The following MKLN1 variants were observed in gnomAD, a reference collection of about 807,000 sequenced individuals.
The protein encoded by MKLN1 is muskelin.
Under a neutral mutation model 99.0 loss-of-function variants are expected in MKLN1, and 18 were observed. That is an observed-to-expected ratio of 0.18 (90% CI 0.13 to 0.27). The LOEUF (loss-of-function observed/expected upper bound fraction) is 0.27, where lower values mean the gene tolerates loss of function less well. Among genes scored for constraint, MKLN1 ranks in the 10% least tolerant of loss-of-function variants. The probability of loss-of-function intolerance (pLI) is 1.00; values close to 1 mark genes in which losing one functional copy is unlikely to be tolerated. For missense variants in MKLN1, 621 were observed against 875.9 expected, an observed-to-expected ratio of 0.71 and a Z score of 3.67; for synonymous variants, 288 against 293.2, an observed-to-expected ratio of 0.98 and a Z score of 0.18.
At chr7:131,249,493 A>T (rs1584867102) in intron 3 of MKLN1, among the ~76,000 whole-genome samples, 1 of 152,192 alleles carries the variant, frequency 6.6e-6, no homozygotes, top group East Asian at 1.9e-4. Flanking sequence ...TCTTTCACTT[A>T]TACAACAGAC....
intron 3 of MKLN1, among the ~76,000 whole-genome samples, chr7:131,216,631 G>A (rs941429100): frequency 6.6e-6 from 1 of 152,018 alleles, no homozygotes; most frequent in African/African-American, 2.4e-5. Flanking sequence ...TACTACTGCC[G>A]ACACTTCATG....
At chr7:131,124,714 G>T (rs1326568514) in intron 1 of MKLN1, among the ~76,000 whole-genome samples, 1 of 152,080 alleles carries the variant, frequency 6.6e-6, no homozygotes, top group Non-Finnish European at 1.5e-5. Flanking sequence ...TCTCCCTTTG[G>T]ATGTGGGTCC....
intron 3 of MKLN1, among the ~76,000 whole-genome samples, chr7:131,320,789 CAGA>C (rs1395539181): frequency 6.6e-6 from 1 of 152,050 alleles, no homozygotes; most frequent in African/African-American, 2.4e-5. Context: ...CAGACACTTC[CAGA>C]AGAAGAGATT....
intron 1 of MKLN1, among the ~76,000 whole-genome samples, chr7:131,131,829 A>T (rs1405199947): frequency 1.3e-5 from 2 of 152,214 alleles, no homozygotes; most frequent in Non-Finnish European, 2.9e-5. Flanking sequence ...AAGGCAAGAA[A>T]ACCAACATTT....
At chr7:131,213,442 G>A (rs529315826) in intron 3 of MKLN1, among the ~76,000 whole-genome samples, 8 of 152,208 alleles carry the variant, frequency 5.3e-5, no homozygotes, top group South Asian at 2.1e-4. Flanking sequence ...TTTAAATACC[G>A]GTCTTCTGGT....
chr7:131,274,323 G>C (rs1054566686), intron 3 of MKLN1, among the ~76,000 whole-genome samples: 1 of 152,070 alleles, frequency 6.6e-6, no homozygotes, highest in Non-Finnish European at 1.5e-5. Flanking sequence ...CCAATTGCCA[G>C]CTCAGTTAGT....
intron 3 of MKLN1, among the ~76,000 whole-genome samples, chr7:131,305,679 A>G (rs998391944): frequency 6.6e-6 from 1 of 152,300 alleles, no homozygotes; most frequent in East Asian, 1.9e-4. Flanking sequence ...GACTAAAATT[A>G]TCTGGTGGAC....
intron 2 of MKLN1, among the ~76,000 whole-genome samples, chr7:131,185,700 A>C (rs1796440186): frequency 6.6e-6 from 1 of 152,346 alleles, no homozygotes; most frequent in African/African-American, 2.4e-5. Flanking sequence ...GCTCTGTCAC[A>C]TACTAGCCGT....
chr7:131,437,932 A>G lies in MKLN1; in HGVS notation c.1108A>G (p.Thr370Ala), dbSNP rs993373649. 5.0e-6 allele frequency: 8 copies of G among 1,613,982 alleles called. No individual in the cohort carries two copies. Among genetic ancestry groups the G allele is most frequent in the Non-Finnish European group, 6.8e-6 (8 of 1,179,888 alleles). ...DFYRYDIDTN[T>A]WMLLSEDTAA... ...CTATCGTTATGACATTGATACAAAC[A>G]CATGGATGTTACTAAGTGAGGATAC... The change falls in exon 10 of 18, where the codon ACA becomes GCA. Residue 370 changes from threonine (T) to alanine (A), a missense_variant. Coordinates refer to ENST00000352689, the MANE Select transcript of MKLN1 (RefSeq NM_013255.5).
chr7:131,287,459 A>G (rs76714787), intron 3 of MKLN1, among the ~76,000 whole-genome samples: 7,807 of 152,208 alleles, frequency 0.051, 264 homozygotes, highest in East Asian at 0.16. Flanking sequence ...CTGAGGTCAC[A>G]TTGCCTCCTC....
At chr7:131,461,346 A>C (rs915268542) in intron 12 of MKLN1, among the ~76,000 whole-genome samples, 2 of 151,712 alleles carry the variant, frequency 1.3e-5, no homozygotes, top group African/African-American at 4.8e-5. Flanking sequence ...ACCAGACTTT[A>C]CATACACTAA....
At chr7:131,176,414 T>C (rs907882291) in intron 2 of MKLN1, among the ~76,000 whole-genome samples, 1 of 152,238 alleles carries the variant, frequency 6.6e-6, no homozygotes, top group African/African-American at 2.4e-5. Flanking sequence ...GGAAGTTCTA[T>C]CTTACGTCTC....
intron 3 of MKLN1, among the ~76,000 whole-genome samples, chr7:131,320,765 G>C (rs1186213285): frequency 6.6e-6 from 1 of 152,138 alleles, no homozygotes; most frequent in Non-Finnish European, 1.5e-5. Context: ...CAAAAAGTGG[G>C]CAAAGAATAT....
intron 2 of MKLN1, among the ~76,000 whole-genome samples, chr7:131,188,349 G>A (rs1796483224): frequency 6.6e-6 from 1 of 152,178 alleles, no homozygotes; most frequent in Admixed American, 6.5e-5. Context: ...TATTTCTCGA[G>A]TCTGTGAATT....
chr7:131,262,084 T>A (rs758022648), intron 3 of MKLN1, among the ~76,000 whole-genome samples: 4 of 152,128 alleles, frequency 2.6e-5, no homozygotes, highest in African/African-American at 4.8e-5. Flanking sequence ...CAACAAACCC[T>A]ACAACATGCA....
intron 10 of MKLN1, among the ~76,000 whole-genome samples, chr7:131,442,575 C>T (rs977145390): frequency 6.6e-6 from 1 of 151,986 alleles, no homozygotes; most frequent in African/African-American, 2.4e-5. Context: ...ATGAAAATAG[C>T]CTTTTGTTTA....
In MKLN1 at chr7:131,130,512, G is replaced by T. The variant is rs145091706; in HGVS notation, c.-418-12308G>T. Among the ~76,000 whole-genome samples the T allele has an allele frequency of 2.0e-3, 303 of 152,294 alleles. 2 individuals are homozygous for T. Among genetic ancestry groups the T allele is most frequent in the African/African-American group, 6.7e-3 (280 of 41,558 alleles). ...CCATTTCACAGAAGTGGAGCCTGAG[G>T]TCATAAATGTCAAGTGATTTGCCCA... is the stretch of plus-strand genomic sequence containing the variant. On this transcript the variant is annotated intron_variant, in intron 1 of 7. Transcript: ENST00000416992.
intron 8 of MKLN1, among the ~76,000 whole-genome samples, chr7:131,417,178 A>G (rs956791840): frequency 6.6e-5 from 10 of 152,132 alleles, no homozygotes; most frequent in African/African-American, 2.4e-4. Context: ...GAAGGTGTAC[A>G]AAGAAAAATC....
chr7:131,282,465 C>A lies in MKLN1; in HGVS notation c.-179+79491C>A, dbSNP rs576086951. ...TTATTGATTAAACAGTAGCCCTTGA[C>A]AGCAACATACAGGGAAGTACATAAT... On this transcript the variant is annotated intron_variant, in intron 3 of 7. Transcript: ENST00000416992. Among the ~76,000 whole-genome samples the A allele has an allele frequency of 9.9e-5, 15 of 151,866 alleles. No individual in the cohort carries two copies. The South Asian group carries it at 3.1e-3, about 32-fold the overall frequency.
Sources: allele counts gnomAD v4.1 joint callset (sites outside exome capture counted in the v4.1 genomes callset), GRCh38; gene constraint gnomAD v4.1.1; transcripts MANE v1.5; gene names NCBI Gene and HGNC (gene_info 2026-07-23, HGNC 2026-07-21).